Variants in CNOT2 observed in about 807,000 individuals in gnomAD.
CNOT2 encodes CCR4-NOT transcription complex subunit 2.
Under a neutral mutation model 72.1 loss-of-function variants are expected in CNOT2, and 7 were observed. That is an observed-to-expected ratio of 0.10 (90% confidence interval 0.06 to 0.18). The LOEUF is 0.18. CNOT2 is among the 10% of genes least tolerant of loss of function. The pLI is 1.00. For synonymous variants in CNOT2, 196 were observed against 225.6 expected, an observed-to-expected ratio of 0.87 and a Z score of 1.17; for missense variants, 345 against 660.3, an observed-to-expected ratio of 0.52 and a Z score of 5.23.
intron 2 of CNOT2, among the ~76,000 whole-genome samples, chr12:70,294,941 CGT>C (rs140897323): frequency 6.6e-6 from 1 of 151,362 alleles, no homozygotes; most frequent in Non-Finnish European, 1.5e-5. Flanking sequence ...GATCCTGTGT[CGT>C]GTGTGTGTGT....
chr12:70,267,234 C>A (rs1959094627), intron 1 of CNOT2, among the ~76,000 whole-genome samples: 1 of 152,062 alleles, frequency 6.6e-6, no homozygotes, highest in Non-Finnish European at 1.5e-5. Context: ...AGGTTGGAAG[C>A]CCCAAATCTC....
chr12:70,261,937 T>C (rs1958790693), intron 1 of CNOT2, among the ~76,000 whole-genome samples: 1 of 152,092 alleles, frequency 6.6e-6, no homozygotes, highest in African/African-American at 2.4e-5. Context: ...TCAATTTTGA[T>C]AGTCTGTGAC....
chr12:70,326,994 G>GT (rs1407273767), intron 4 of CNOT2, among the ~76,000 whole-genome samples: 3 of 151,742 alleles, frequency 2.0e-5, no homozygotes, highest in East Asian at 3.9e-4. Flanking sequence ...CTCCAAATTT[G>GT]TTTTTTTGCT....
intron 2 of CNOT2, among the ~76,000 whole-genome samples, chr12:70,290,133 A>C (rs1871630348): frequency 6.6e-6 from 1 of 151,650 alleles, no homozygotes; most frequent in South Asian, 2.1e-4. Flanking sequence ...AATTATGTAA[A>C]TTATGTTTTT....
intron 1 of CNOT2, among the ~76,000 whole-genome samples, chr12:70,254,903 C>A (rs1313963683): frequency 6.6e-6 from 1 of 150,448 alleles, no homozygotes; most frequent in Non-Finnish European, 1.5e-5. Flanking sequence ...ATCGCTTGAA[C>A]CTGGGAGGCG....
intron 15 of CNOT2, among the ~76,000 whole-genome samples, chr12:70,349,164 C>T (rs548057149): frequency 3.3e-5 from 5 of 152,070 alleles, no homozygotes; most frequent in East Asian, 3.9e-4. Flanking sequence ...AGTATATTAA[C>T]GGGATAAATT....
intron 11 of CNOT2, among the ~76,000 whole-genome samples, chr12:70,340,124 A>G (rs997082128): frequency 1.4e-4 from 22 of 152,056 alleles, no homozygotes; most frequent in African/African-American, 5.1e-4. Flanking sequence ...GTCTTCTCCC[A>G]TTCTCTGGTA....
At chr12:70,342,519 C>G (rs1881642480) in intron 13 of CNOT2, 1 of 551,306 alleles carries the variant, frequency 1.8e-6, no homozygotes, top group African/African-American at 1.9e-5. Context: ...ACCATAACCG[C>G]AGTTGATGAG....
At chr12:70,336,183 G>T (rs1355625976) in intron 8 of CNOT2, 1 of 152,058 alleles carries the variant, frequency 6.6e-6, no homozygotes, top group East Asian at 1.9e-4. Context: ...TGTCACCTGG[G>T]GAAAAAAAAT....
intron 7 of CNOT2, chr12:70,334,960 C>T (rs1163959729): frequency 1.3e-5 from 2 of 154,078 alleles, no homozygotes; most frequent in Admixed American, 6.4e-5. Flanking sequence ...GTCCTCAGGG[C>T]TTCTGCTTCA....
rs12230432 is a variant in CNOT2 at position 70,287,824 on chromosome 12, T to C, written c.48+9550T>C. Among the ~76,000 whole-genome samples, 7,337 of 149,930 alleles carry C rather than the reference T, an allele frequency of 0.049. 1,241 individuals carry two copies. In the East Asian group the frequency reaches 0.52, roughly 11 times the overall value. On this transcript the variant is annotated intron_variant, in intron 2 of 15. Transcript: ENST00000229195. Reference sequence around the variant, plus strand: ...ATTGTGCCTTGTTTCCTTGTGTGTATATTAAGCTATCATTTCATGTTTCTT... The same window carrying C: ...ATTGTGCCTTGTTTCCTTGTGTGTACATTAAGCTATCATTTCATGTTTCTT...
chr12:70,304,308 C>T (rs1353311368), intron 2 of CNOT2, among the ~76,000 whole-genome samples: 1 of 151,240 alleles, frequency 6.6e-6, no homozygotes, highest in Non-Finnish European at 1.5e-5. Context: ...TTTTTCTGCT[C>T]TGTTTTTTCC....
At chr12:70,289,414 G>A (rs2135857930) in intron 2 of CNOT2, among the ~76,000 whole-genome samples, 1 of 152,072 alleles carries the variant, frequency 6.6e-6, no homozygotes, top group Middle Eastern at 3.4e-3. Context: ...CTTGATTAAG[G>A]TCTATGTCGG....
intron 2 of CNOT2, among the ~76,000 whole-genome samples, chr12:70,303,615 G>A (rs910641648): frequency 1.1e-4 from 17 of 152,106 alleles, no homozygotes; most frequent in Non-Finnish European, 2.2e-4. Context: ...TCCCTTTGTG[G>A]GTAACCCGAC....
intron 7 of CNOT2, among the ~76,000 whole-genome samples, chr12:70,333,778 G>A (rs943739132): frequency 2.0e-5 from 3 of 151,880 alleles, no homozygotes; most frequent in Non-Finnish European, 4.4e-5. Flanking sequence ...ATTTGTAAGT[G>A]GTGGCTTGTG....
chr12:70,330,695 GA>G (rs1321689997), intron 6 of CNOT2: 2 of 421,424 alleles, frequency 4.7e-6, no homozygotes, highest in African/African-American at 4.1e-5. Flanking sequence ...GTGGTTGTTA[GA>G]AAAGGATTGT....
chr12:70,252,307 C>T (rs974149461), intron 1 of CNOT2, among the ~76,000 whole-genome samples: 1 of 152,118 alleles, frequency 6.6e-6, no homozygotes, highest in African/African-American at 2.4e-5. Context: ...CCACCTAAGC[C>T]TCCTGAGTAG....
Position 70,278,271 on chromosome 12 carries a change from C to T in CNOT2, c.45C>T (p.Tyr15=). The T allele has an allele frequency of 6.3e-7, 1 of 1,599,556 alleles. No individual in the cohort carries two copies. Among genetic ancestry groups the T allele is most frequent in the Non-Finnish European group, 8.6e-7 (1 of 1,166,834 alleles). Residue 15 remains tyrosine, a synonymous_variant, in exon 2 of 16, where the codon TAC becomes TAT. Coordinates refer to ENST00000229195, the MANE Select transcript of CNOT2 (RefSeq NM_014515.7). ...ATACATTATCTGAGAAAAGAAACTACCAGGTAAGACCAGTCTTTCTTCTTT... is the reference window on the plus strand; with the variant it reads ...ATACATTATCTGAGAAAAGAAACTATCAGGTAAGACCAGTCTTTCTTCTTT... ...DGHTLSEKRN[Y]QVTNSMFGAS...
chr12:70,261,305 C>CTT (rs71437141), intron 1 of CNOT2, among the ~76,000 whole-genome samples: 963 of 43,354 alleles, frequency 0.022, 176 homozygotes, highest in Non-Finnish European at 0.031. Flanking sequence ...TTCTTTCTTT[C>CTT]TTTTTTTTTT....
Sources: gnomAD v4.1 joint callset for allele counts (sites outside exome capture counted in the v4.1 genomes callset) on GRCh38, gnomAD v4.1.1 for gene constraint, MANE v1.5 for transcripts, NCBI Gene and HGNC (gene_info 2026-07-23, HGNC 2026-07-21) for gene names.